The following SLC12A1 variants were observed in gnomAD, a reference collection of about 807,000 sequenced individuals.
The protein encoded by SLC12A1 is solute carrier family 12 member 1, also known as Na-K-2Cl cotransporter.
SLC12A1 carries 89 observed loss-of-function variants against 130.4 expected under a neutral mutation model. That is an observed-to-expected ratio of 0.68 (90% CI 0.58 to 0.81). The LOEUF (loss-of-function observed/expected upper bound fraction) is 0.81, where lower values mean the gene tolerates loss of function less well. Ranked by LOEUF, SLC12A1 falls within the 40% of genes least tolerant of loss-of-function variation. SLC12A1 has a pLI of 0.00. For synonymous variants in SLC12A1, 499 were observed against 460.0 expected (o/e 1.08, Z -1.09); for missense variants, 1,310 against 1,336.4 (o/e 0.98, Z 0.31).
chr15:48,212,926 A>G (rs1237864078), intron 2 of SLC12A1, among the ~76,000 whole-genome samples: 2 of 152,208 alleles, frequency 1.3e-5, no homozygotes, highest in African/African-American at 4.8e-5. Context: ...AGTAATAACC[A>G]ACTTTTTGTT....
rs771758505 is a variant in SLC12A1, at chr15:48,247,366, C to T, written c.1590C>T (p.Ala530=). The T allele has an allele frequency of 6.2e-7, 1 of 1,613,522 alleles. No homozygotes were observed. Among genetic ancestry groups the T allele is most frequent in the Non-Finnish European group, 8.5e-7 (1 of 1,179,720 alleles). ...TGTGCAAGGACAACATCTACAAAGC[C>T]CTGCAGTTTTTTGCAAAGGGATATG... The part of the protein sequence containing the change: ...QALCKDNIYK[A]LQFFAKGYGK... The change falls in exon 13 of 27, where the codon GCC becomes GCT. Residue 530 remains alanine (A), a synonymous_variant. Coordinates refer to ENST00000380993, the MANE Select transcript of SLC12A1 (RefSeq NM_000338.3).
chr15:48,241,532 C>A lies in SLC12A1; in HGVS notation c.1233C>A (p.Ile411=), dbSNP rs371927455. The A allele has an allele frequency of 1.9e-5, 30 of 1,613,352 alleles. No individual in the cohort carries two copies. Among genetic ancestry groups the A allele is most frequent in the Non-Finnish European group, 2.4e-5 (28 of 1,179,490 alleles). The change falls in exon 10 of 27, where the codon ATC becomes ATA. Residue 411 remains isoleucine (I), a synonymous_variant. Transcript: ENST00000380993. ...SGDLEDPQDA[I]PRGTMLAIFI... ...TTTTAAAGGATCCCCAAGATGCCAT[C>A]CCCAGAGGAACCATGCTGGCCATTT...
chr15:48,232,626 T>A, intron 7 of SLC12A1, 101 bp from the exon 8 acceptor site: 1 of 774,708 alleles, frequency 1.3e-6, no homozygotes, highest in Admixed American at 1.9e-5. Context: ...AACTGAAATA[T>A]CAGATAGAGT....
chr15:48,251,718 C>T lies in SLC12A1; in HGVS notation c.1890C>T (p.Ile630=), dbSNP rs1378821084. The change falls in exon 15 of 27, where the codon ATC becomes ATT. Residue 630 remains isoleucine, a synonymous_variant. Transcript: ENST00000380993. ...TCATCAACTGGTGGGCAGCTGTCAT[C>T]ACCTATGTCATTGAATTCTTCCTTT... The part of the protein sequence containing the change: ...MFVINWWAAV[I]TYVIEFFLYV... The T allele has an allele frequency of 6.2e-7, 1 of 1,613,724 alleles. No individual in the cohort carries two copies. Among genetic ancestry groups the T allele is most frequent in the Admixed American group, 1.7e-5 (1 of 60,000 alleles).
At chr15:48,220,841 G>A in intron 3 of SLC12A1, 76 bp downstream of exon 3, 2 of 1,611,114 alleles carry the variant, frequency 1.2e-6, no homozygotes, top group East Asian at 2.2e-5. Flanking sequence ...ACAAGGCCTG[G>A]GCACAGCTTT....
At chr15:48,218,054 C>T (rs766081159) in intron 2 of SLC12A1, 1 of 152,406 alleles carries the variant, frequency 6.6e-6, no homozygotes, top group Non-Finnish European at 1.5e-5. Flanking sequence ...AAGCAATCCT[C>T]CTGCCTCAGC....
intron 2 of SLC12A1, among the ~76,000 whole-genome samples, chr15:48,211,181 C>T (rs1349857097): frequency 6.6e-6 from 1 of 152,110 alleles, no homozygotes; most frequent in Non-Finnish European, 1.5e-5. Context: ...ATCCACATAG[C>T]CAAATTGGGA....
At chr15:48,271,523 T>TACTGAGCAG (rs2041898089) in intron 19 of SLC12A1, among the ~76,000 whole-genome samples, 1 of 151,662 alleles carries the variant, frequency 6.6e-6, no homozygotes, top group Non-Finnish European at 1.5e-5. Flanking sequence ...TTTATCATTA[T>TACTGAGCAG]ATTTATGCAA....
chr15:48,256,900 AT>A (rs2041714704), intron 16 of SLC12A1, among the ~76,000 whole-genome samples: 1 of 135,484 alleles, frequency 7.4e-6, no homozygotes, highest in Admixed American at 8.6e-5. Context: ...GTCTTAACTC[AT>A]TTCAGCATTA....
At chr15:48,269,472 T>C (rs1173090136) in intron 18 of SLC12A1, among the ~76,000 whole-genome samples, 186 bp from the exon 19 acceptor site, 1 of 152,232 alleles carries the variant, frequency 6.6e-6, no homozygotes, top group Non-Finnish European at 1.5e-5. Context: ...ATAGCTGGGA[T>C]GATTTAGAAT....
At position 48,292,488 on chromosome 15, in the gene SLC12A1, C is replaced by A. The variant is rs189810760; in HGVS notation, c.2960+624C>A. On this transcript the variant is annotated intron_variant, in intron 24 of 26. Coordinates refer to ENST00000380993, the MANE Select transcript of SLC12A1 (RefSeq NM_000338.3). Reference sequence around the variant, plus strand: ...CTTCAAAATGTGACATTATTTTAATCCTCATTAATTGTTATATTTATCAAC... The same window carrying A: ...CTTCAAAATGTGACATTATTTTAATACTCATTAATTGTTATATTTATCAAC... 4.0e-3 allele frequency among the ~76,000 whole-genome samples: 601 copies of A among 152,092 alleles called. 6 individuals carry two copies. The highest frequency in any genetic ancestry group is 5.0e-3 in the Non-Finnish European group (343 of 67,958).
At chr15:48,247,823 G>T (rs956639447) in intron 13 of SLC12A1, among the ~76,000 whole-genome samples, 1 of 152,144 alleles carries the variant, frequency 6.6e-6, no homozygotes, top group Non-Finnish European at 1.5e-5. Flanking sequence ...TGGAAATGTG[G>T]TCCACTGACC....
At chr15:48,220,131 G>GGAGA (rs749598144) in intron 2 of SLC12A1, among the ~76,000 whole-genome samples, 6 of 105,732 alleles carry the variant, frequency 5.7e-5, no homozygotes, top group Admixed American at 2.3e-4. Context: ...AAAAAAAAAG[G>GGAGA]TAGATAGATA....
chr15:48,208,846 T>C (rs1320060929), intron 2 of SLC12A1, among the ~76,000 whole-genome samples: 5 of 152,164 alleles, frequency 3.3e-5, no homozygotes, highest in Non-Finnish European at 7.4e-5. Context: ...CTTTAGTGTG[T>C]AGGGGTATTT....
At chr15:48,249,707 A>T (rs747977297) in intron 14 of SLC12A1, 31 bp downstream of exon 14, 1 of 1,423,704 alleles carries the variant, frequency 7.0e-7, no homozygotes, top group Non-Finnish European at 9.9e-7. Flanking sequence ...AAATATGCCT[A>T]AGCAAACAGT....
At chr15:48,260,101 C>A (rs1363198822) in intron 17 of SLC12A1, among the ~76,000 whole-genome samples, 1 of 151,936 alleles carries the variant, frequency 6.6e-6, no homozygotes, top group African/African-American at 2.4e-5. Flanking sequence ...CCTCTCTCTA[C>A]TAAAAATACA....
intron 10 of SLC12A1, among the ~76,000 whole-genome samples, chr15:48,244,164 T>A (rs972081886): frequency 6.6e-6 from 1 of 152,236 alleles, no homozygotes; most frequent in Non-Finnish European, 1.5e-5. Flanking sequence ...GATAGATACC[T>A]GATCAATATA....
chr15:48,244,673 A>G, intron 10 of SLC12A1, 80 bp from the exon 11 acceptor site: 3 of 1,438,672 alleles, frequency 2.1e-6, no homozygotes, highest in Non-Finnish European at 2.9e-6. Context: ...TTCAGTCTCA[A>G]AGTAAACTAC....
In SLC12A1 at chr15:48,259,330, C is replaced by A. The variant is rs747309560; in HGVS notation, c.2154+19C>A. On this transcript the variant is annotated intron_variant, in intron 17 of 26. Coordinates refer to ENST00000380993, the MANE Select transcript of SLC12A1 (RefSeq NM_000338.3). ...CTTTGTGGTAAGAGCCACTTCACCC[C>A]AGGGAAGTCCTTTTTCCTCCCTGCT... is the stretch of plus-strand genomic sequence containing the variant. 9.5e-6 allele frequency: 14 copies of A among 1,480,240 alleles called. No homozygotes were observed. The highest frequency in any genetic ancestry group is 1.3e-5 in the Non-Finnish European group (14 of 1,057,914). The allele number at this position is 1,480,240 out of a possible 1,614,324, so 91.7% of individuals were successfully genotyped here.
Sources: gnomAD v4.1 joint callset for allele counts (sites outside exome capture counted in the v4.1 genomes callset) on GRCh38, gnomAD v4.1.1 for gene constraint, MANE v1.5 for transcripts, NCBI Gene and HGNC (gene_info 2026-07-23, HGNC 2026-07-21) for gene names.